RELN: variants seen among roughly 807,000 people sequenced by gnomAD.
RELN encodes the protein reelin.
A neutral mutation model predicts 427.6 loss-of-function variants in RELN; 108 were observed. The ratio of observed to expected loss-of-function variants is 0.25; its 90% CI spans 0.22 to 0.30. RELN has a LOEUF of 0.30. RELN is among the 10% of genes least tolerant of loss of function. The probability of loss-of-function intolerance (pLI) is 1.00; values close to 1 mark genes in which losing one functional copy is unlikely to be tolerated. For synonymous variants in RELN, 1,524 were observed against 1,513.4 expected, an observed-to-expected ratio of 1.01 and a Z score of -0.16; for missense variants, 3,715 against 4,302.8, an observed-to-expected ratio of 0.86 and a Z score of 3.82.
chr7:103,631,792 T>A (rs1832473149), intron 19 of RELN, among the ~76,000 whole-genome samples: 1 of 152,030 alleles, frequency 6.6e-6, no homozygotes, highest in South Asian at 2.1e-4. Context: ...TAAAACTACA[T>A]AATATATAGA....
rs544151353 is a variant in RELN, at chr7:103,837,127, T to A, written c.338-3455A>T. 8.5e-5 allele frequency among the ~76,000 whole-genome samples: 13 copies of A among 152,344 alleles called. No individual in the cohort carries two copies. In the East Asian group the frequency reaches 2.5e-3, roughly 29 times the overall value. ...GGTACAAAGAAAGGATTCGACTTTT[T>A]TCCCTAAATGGTCCTAGGTTCCCAT... On this transcript the variant is annotated intron_variant, in intron 2 of 64. Coordinates refer to ENST00000428762, the MANE Select transcript of RELN (RefSeq NM_005045.4).
chr7:103,541,917 A>T (rs1162121010), intron 43 of RELN, among the ~76,000 whole-genome samples: 1 of 152,232 alleles, frequency 6.6e-6, no homozygotes, highest in Non-Finnish European at 1.5e-5. Context: ...ATGATCAATA[A>T]ATGAAGTATT....
Position 103,569,979 on chromosome 7 carries a change from T to TG in RELN, c.4588+2204dup, listed in dbSNP as rs1830844107. Reference sequence around the variant, plus strand: ...AAATATGTAAATTGATGCTTCAGCTTGAGTAAGTAAAGAATCTCTACTTTC... The same window carrying TG: ...AAATATGTAAATTGATGCTTCAGCTTGGAGTAAGTAAAGAATCTCTACTTTC... On this transcript the variant is annotated intron_variant, in intron 31 of 64. Coordinates refer to ENST00000428762, the MANE Select transcript of RELN (RefSeq NM_005045.4). This position sits in a 1 kb window ranked among gnomAD's most constrained non-coding sequence, Gnocchi z 4.0. Among the ~76,000 whole-genome samples the TG allele has an allele frequency of 6.6e-6, 1 of 152,246 alleles. No homozygotes were observed. Among genetic ancestry groups the TG allele is most frequent in the African/African-American group, 2.4e-5 (1 of 41,462 alleles).
intron 1 of RELN, among the ~76,000 whole-genome samples, chr7:103,938,471 T>G (rs977140292): frequency 2.0e-5 from 3 of 152,182 alleles, no homozygotes; most frequent in Admixed American, 6.5e-5. Context: ...TTTATTTTAA[T>G]TTTACTTATA....
intron 7 of RELN, 80 bp from the exon 8 acceptor site, chr7:103,723,271 G>A (rs1310357275): frequency 2.5e-6 from 2 of 813,780 alleles, no homozygotes; most frequent in Non-Finnish European, 4.3e-6. Flanking sequence ...GGTACGGGGA[G>A]GGGAAGAGTT....
intron 16 of RELN, among the ~76,000 whole-genome samples, chr7:103,645,596 T>G (rs1264300605): frequency 2.0e-5 from 3 of 151,848 alleles, no homozygotes; most frequent in East Asian, 3.9e-4. Flanking sequence ...TAAATACATA[T>G]GCACCCAACA....
At chr7:103,884,195 T>A (rs1794672848) in intron 2 of RELN, among the ~76,000 whole-genome samples, 1 of 152,160 alleles carries the variant, frequency 6.6e-6, no homozygotes, top group African/African-American at 2.4e-5. Context: ...GATTCCCTAT[T>A]TAATAAACGT....
intron 50 of RELN, among the ~76,000 whole-genome samples, chr7:103,514,845 A>G (rs117261450): frequency 7.2e-5 from 11 of 152,236 alleles, no homozygotes; most frequent in Non-Finnish European, 1.6e-4. Flanking sequence ...ATGACTGGGA[A>G]ATGTCATTTG....
At chr7:103,503,893 TAAAAA>T (rs71154347) in intron 51 of RELN, among the ~76,000 whole-genome samples, 3,661 of 96,620 alleles carry the variant, frequency 0.038, 132 homozygotes, top group African/African-American at 0.1. Flanking sequence ...AATGTTCTTG[TAAAAA>T]AAAAAAAAAA....
chr7:103,889,508 T>C (rs137936439), intron 2 of RELN, among the ~76,000 whole-genome samples: 135 of 152,302 alleles, frequency 8.9e-4, no homozygotes, highest in African/African-American at 3.2e-3. Flanking sequence ...TTAGTGAGCC[T>C]AGCGTAAGGC....
At chr7:103,795,125 T>C (rs563791176) in intron 3 of RELN, among the ~76,000 whole-genome samples, 1 of 152,356 alleles carries the variant, frequency 6.6e-6, no homozygotes, top group Admixed American at 6.5e-5. Context: ...ACTAGTATTA[T>C]CTATTGAAGT....
rs149874006 is a variant in RELN, at chr7:103,855,624, G to A, written c.338-21952C>T. 3.0e-3 allele frequency among the ~76,000 whole-genome samples: 459 copies of A among 152,228 alleles called. 2 individuals carry two copies. In the South Asian group the frequency reaches 0.031, roughly 10 times the overall value. On this transcript the variant is annotated intron_variant, in intron 2 of 64. Coordinates refer to ENST00000428762, the MANE Select transcript of RELN (RefSeq NM_005045.4). ...TGTAACAACTTATTATAAAGTGAGCGGCTTAAAGCAACATAAATGTATTGT... is the reference window on the plus strand; with the variant it reads ...TGTAACAACTTATTATAAAGTGAGCAGCTTAAAGCAACATAAATGTATTGT...
At chr7:103,909,421 A>T (rs533940708) in intron 2 of RELN, among the ~76,000 whole-genome samples, 1 of 151,512 alleles carries the variant, frequency 6.6e-6, no homozygotes, top group East Asian at 1.9e-4. Flanking sequence ...CTAATGAAGT[A>T]CAATTTTTAT....
chr7:103,723,015 A>G (rs1790115722), intron 8 of RELN, 125 bp downstream of exon 8: 1 of 669,274 alleles, frequency 1.5e-6, no homozygotes, highest in African/African-American at 1.8e-5. Flanking sequence ...TAGATTATTT[A>G]CTGCAAAATT....
chr7:103,492,416 G>T (rs2711844), intron 57 of RELN, among the ~76,000 whole-genome samples: 36,327 of 151,904 alleles, frequency 0.24, 4,587 homozygotes, highest in East Asian at 0.45. Context: ...TAAATTTTTA[G>T]TTGGAATTAA....
intron 4 of RELN, among the ~76,000 whole-genome samples, chr7:103,756,686 C>G (rs1791165486): frequency 6.6e-6 from 1 of 152,086 alleles, no homozygotes; most frequent in Admixed American, 6.6e-5. Context: ...GCTTCAACAC[C>G]AAGTCAGTAT....
At chr7:103,672,818 A>T (rs1833423447) in intron 11 of RELN, among the ~76,000 whole-genome samples, 1 of 152,144 alleles carries the variant, frequency 6.6e-6, no homozygotes, top group African/African-American at 2.4e-5. Flanking sequence ...GTTTTGAATA[A>T]CAACTAATTT....
chr7:103,878,888 G>A (rs191815325), intron 2 of RELN, among the ~76,000 whole-genome samples: 5 of 152,218 alleles, frequency 3.3e-5, no homozygotes, highest in Admixed American at 1.3e-4. Flanking sequence ...TGACAAGCAG[G>A]CAGATAATCA....
At chr7:103,889,448 A>C (rs530696797) in intron 2 of RELN, among the ~76,000 whole-genome samples, 1 of 152,220 alleles carries the variant, frequency 6.6e-6, no homozygotes, top group African/African-American at 2.4e-5. Flanking sequence ...TAACTCACGG[A>C]AAGTGTGAAA....
Sources: gnomAD v4.1 joint callset for allele counts (sites outside exome capture counted in the v4.1 genomes callset) on GRCh38, gnomAD v4.1.1 for gene constraint, Gnocchi (gnomAD v3.1) non-coding constraint, MANE v1.5 for transcripts, NCBI Gene and HGNC (gene_info 2026-07-23, HGNC 2026-07-21) for gene names.